Variants in CCDC30 observed in about 807,000 individuals in gnomAD.
CCDC30 encodes coiled-coil domain-containing protein 30.
Under a neutral mutation model 100.2 loss-of-function variants are expected in CCDC30, and 70 were observed. The observed-to-expected ratio is 0.70, with a 90% confidence interval of 0.58 to 0.85. The LOEUF (loss-of-function observed/expected upper bound fraction) is 0.85, where lower values mean the gene tolerates loss of function less well. CCDC30 is among the 40% of genes least tolerant of loss of function. CCDC30 has a pLI of 0.00. For synonymous variants in CCDC30, 233 were observed against 269.5 expected, an observed-to-expected ratio of 0.86 and a Z score of 1.33; for missense variants, 652 against 771.2, an observed-to-expected ratio of 0.85 and a Z score of 1.83.
intron 11 of CCDC30, among the ~76,000 whole-genome samples, chr1:42,613,552 C>T (rs1234724315): frequency 6.6e-6 from 1 of 152,176 alleles, no homozygotes; most frequent in African/African-American, 2.4e-5. Flanking sequence ...CCGTGCCCGG[C>T]CTATTCATGT....
At chr1:42,464,753 G>A (rs1315101157) in intron 1 of CCDC30, among the ~76,000 whole-genome samples, 5 of 152,100 alleles carry the variant, frequency 3.3e-5, no homozygotes, top group Non-Finnish European at 7.3e-5. Flanking sequence ...TCAGTATTCA[G>A]GTTTAAAAGT....
At chr1:42,558,621 T>C (rs1379240056) in intron 6 of CCDC30, among the ~76,000 whole-genome samples, 5 of 152,110 alleles carry the variant, frequency 3.3e-5, no homozygotes, top group East Asian at 1.9e-4. Context: ...AGATTCAGGA[T>C]TGAAACACAG....
In CCDC30 at chr1:42,479,562, T is replaced by C. The variant is rs552843340; in HGVS notation, c.-91-899T>C. Among the ~76,000 whole-genome samples the C allele has an allele frequency of 2.7e-4, 31 of 116,288 alleles. 1 individual carries two copies. The East Asian group carries it at 5.0e-3, about 19-fold the overall frequency. The allele number at this position is 116,288 out of a possible 152,430, so 76.3% of individuals were successfully genotyped here. A position where few individuals can be genotyped will look rare whatever the true frequency, so the allele number is the denominator to read the frequency against. On this transcript the variant is annotated intron_variant, in intron 1 of 16. Transcript: ENST00000668663. ...GCTGGAACAATTAGATATAGACATATGCTTAAAAAAAAAAAAAAAAGCCTC... is the reference window on the plus strand; with the variant it reads ...GCTGGAACAATTAGATATAGACATACGCTTAAAAAAAAAAAAAAAAGCCTC...
intron 11 of CCDC30, among the ~76,000 whole-genome samples, chr1:42,625,498 C>G (rs1268466570): frequency 7.2e-5 from 11 of 151,940 alleles, no homozygotes; most frequent in Admixed American, 6.6e-4. Context: ...TATGTAGGCA[C>G]TTACAGCTAT....
upstream of CCDC30, among the ~76,000 whole-genome samples, chr1:42,461,346 T>G (rs1416976462): frequency 2.0e-5 from 3 of 152,018 alleles, no homozygotes; most frequent in African/African-American, 7.3e-5. Context: ...AACAAAAAAA[T>G]TTTCTTAGAG....
At chr1:42,638,049 A>G (rs1451064518) in intron 12 of CCDC30, among the ~76,000 whole-genome samples, 2 of 152,166 alleles carry the variant, frequency 1.3e-5, no homozygotes, top group Non-Finnish European at 2.9e-5. Flanking sequence ...TTATACCACC[A>G]CTGTGTGCCA....
chr1:42,456,660 C>T, the CCDC30 span: 35 of 1,599,850 alleles, frequency 2.2e-5, no homozygotes, highest in Non-Finnish European at 2.6e-5. Flanking sequence ...AGGCTGGGCG[C>T]GCAGGGCCGG....
rs150750956 is a variant in CCDC30 at position 42,508,909 on chromosome 1, T to G, written c.456+9993T>G. 1.2e-3 allele frequency among the ~76,000 whole-genome samples: 182 copies of G among 152,360 alleles called. 2 individuals are homozygous for G. Among genetic ancestry groups the G allele is most frequent in the Non-Finnish European group, 2.3e-3 (156 of 68,026 alleles). ...AATATACCCTTGCTTGGATATCCGC[T>G]TTTAATCAAACTGAGCACTCTTTAA... On this transcript the variant is annotated intron_variant, in intron 6 of 16. Transcript: ENST00000668663.
intron 6 of CCDC30, among the ~76,000 whole-genome samples, chr1:42,556,898 T>C (rs955796851): frequency 1.3e-5 from 2 of 152,226 alleles, no homozygotes; most frequent in African/African-American, 4.8e-5. Flanking sequence ...TGTAGCTTAC[T>C]AGACAGAGTA....
chr1:42,480,580 C>G lies in CCDC30; in HGVS notation c.15+14C>G. The stretch of plus-strand genomic sequence containing the variant: ...CTGGAATTACAGGTGAGCCACCACA[C>G]CCAGGCAAAATGACATTTTTGTTCA... On this transcript the variant is annotated intron_variant, in intron 2 of 16. Transcript: ENST00000668663. 4.1e-6 allele frequency: 4 copies of G among 984,308 alleles called. No homozygotes were observed. Among genetic ancestry groups the G allele is most frequent in the Non-Finnish European group, 4.8e-6 (4 of 829,034 alleles). 61.0% of individuals were successfully genotyped at this position (984,308 alleles called of 1,614,324 possible).
intron 10 of CCDC30, among the ~76,000 whole-genome samples, chr1:42,600,090 C>A (rs1290389242): frequency 6.6e-6 from 1 of 152,110 alleles, no homozygotes; most frequent in Non-Finnish European, 1.5e-5. Context: ...CCCCCATGAT[C>A]CAATCACCTT....
At chr1:42,655,898 G>C (rs1020144801), downstream of CCDC30, among the ~76,000 whole-genome samples, 1 of 123,174 alleles carries the variant, frequency 8.1e-6, no homozygotes, top group Admixed American at 9.2e-5. Flanking sequence ...TTTTGAGACA[G>C]GGTCTCACTT....
intron 6 of CCDC30, among the ~76,000 whole-genome samples, chr1:42,514,641 T>C (rs981675112): frequency 6.6e-6 from 1 of 152,124 alleles, no homozygotes; most frequent in African/African-American, 2.4e-5. Context: ...TATATTAGTC[T>C]CTTATGTGTT....
chr1:42,554,610 T>C (rs955281297), intron 6 of CCDC30, among the ~76,000 whole-genome samples: 4 of 152,168 alleles, frequency 2.6e-5, no homozygotes, highest in Admixed American at 6.6e-5. Context: ...AATTGATTTC[T>C]TGAAGAATAT....
intron 10 of CCDC30, chr1:42,593,663 C>T (rs1646230786): frequency 6.6e-6 from 1 of 152,352 alleles, no homozygotes; most frequent in Non-Finnish European, 1.5e-5. Context: ...CTCCCCACCC[C>T]TCTGCCATCA....
At chr1:42,632,803 T>C (rs370158647) in intron 11 of CCDC30, among the ~76,000 whole-genome samples, 1 of 151,936 alleles carries the variant, frequency 6.6e-6, no homozygotes, top group African/African-American at 2.4e-5. Context: ...TATACATTGA[T>C]TGGCAATACA....
intron 7 of CCDC30, among the ~76,000 whole-genome samples, chr1:42,566,727 A>G (rs1007227665): frequency 6.6e-6 from 1 of 152,138 alleles, no homozygotes; most frequent in African/African-American, 2.4e-5. Context: ...GTACTTACTA[A>G]ACTTCAGTGA....
chr1:42,579,642 GAGAGAGAGAGAA>G (rs568703838), intron 8 of CCDC30, among the ~76,000 whole-genome samples: 201 of 151,196 alleles, frequency 1.3e-3, no homozygotes, highest in African/African-American at 4.6e-3. Flanking sequence ...CTCAAAAAGA[GAGAGAGAGAGAA>G]AGAGAGAGAG....
At chr1:42,638,044 C>G (rs1008500536) in intron 12 of CCDC30, among the ~76,000 whole-genome samples, 1 of 152,182 alleles carries the variant, frequency 6.6e-6, no homozygotes, top group Non-Finnish European at 1.5e-5. Flanking sequence ...AATTTTTATA[C>G]CACCACTGTG....
Sources: allele counts gnomAD v4.1 joint callset (sites outside exome capture counted in the v4.1 genomes callset), GRCh38; gene constraint gnomAD v4.1.1; transcripts MANE v1.5; gene names NCBI Gene and HGNC (gene_info 2026-07-23, HGNC 2026-07-21).